Variants in CNNM3 observed in about 807,000 individuals in gnomAD.
CNNM3 encodes metal transporter CNNM3.
CNNM3 carries 47 observed loss-of-function variants against 57.1 expected under a neutral mutation model. The observed-to-expected ratio is 0.82, with a 90% CI of 0.65 to 1.05. CNNM3 has a LOEUF of 1.05. CNNM3 is among the 50% of genes least tolerant of loss of function. The pLI is 0.00. For missense variants in CNNM3, 957 were observed against 973.7 expected, an observed-to-expected ratio of 0.98 and a Z score of 0.23; for synonymous variants, 507 against 478.2, an observed-to-expected ratio of 1.06 and a Z score of -0.79.
At position 96,824,347 on chromosome 2, in the gene CNNM3, G is replaced by A. The variant is rs558705652; in HGVS notation, c.1226-711G>A. Among the ~76,000 whole-genome samples the A allele has an allele frequency of 7.1e-4, 108 of 152,302 alleles. 2 individuals are homozygous for A. In the South Asian group the frequency reaches 0.016, roughly 23 times the overall value. On this transcript the variant is annotated intron_variant, in intron 1 of 7. Coordinates refer to ENST00000305510, the MANE Select transcript of CNNM3 (RefSeq NM_017623.5). ...CCTCCCTGCACAGCTTGGCTCCCGA[G>A]TGGCCAGCTACCACTCTTCTCATCC...
Position 96,827,778 on chromosome 2 carries a change from C to G in CNNM3, c.1567C>G (p.His523Asp). Residue 523 changes from histidine to aspartate, a missense_variant, in exon 4 of 8, where the codon CAC becomes GAC. His to Asp is a moderately conservative substitution (Grantham distance 81). Coordinates refer to ENST00000305510, the MANE Select transcript of CNNM3 (RefSeq NM_017623.5). ...PLRISEKVLL[H>D]LLKHPSVNQE... The stretch of plus-strand genomic sequence containing the variant: ...GCGCATCTCTGAGAAGGTCCTGCTG[C>G]ACCTGTTGAAGCATCCCAGTGTCAA... 6.2e-7 allele frequency: 1 copy of G among 1,614,216 alleles called. No homozygotes were observed. The highest frequency in any genetic ancestry group is 8.5e-7 in the Non-Finnish European group (1 of 1,180,028).
At chr2:96,827,027 C>T in intron 3 of CNNM3, 45 bp downstream of exon 3, 1 of 1,598,634 alleles carries the variant, frequency 6.3e-7, no homozygotes, top group Non-Finnish European at 8.5e-7. Context: ...CCTCACCGTT[C>T]TGTGGGTCAG....
In CNNM3 at chr2:96,817,055, C is replaced by T. The variant is rs997431775; in HGVS notation, c.778C>T (p.Arg260Cys). 11 of 1,368,976 alleles carry T rather than the reference C, an allele frequency of 8.0e-6. No homozygotes were observed. The highest frequency in any genetic ancestry group is 3.1e-5 in the African/African-American group (2 of 65,164). 84.8% of individuals were successfully genotyped at this position (1,368,976 alleles called of 1,614,324 possible). The change falls in exon 1 of 8, where the codon CGC becomes TGC. Residue 260 changes from arginine to cysteine, a missense_variant. Transcript: ENST00000305510. ...ALAPRALGLS[R>C]LAVLLTLPVA... is the part of the protein sequence containing the mutation. The stretch of plus-strand genomic sequence containing the variant: ...GGCGCCGCGAGCGCTCGGCCTCAGC[C>T]GCCTGGCCGTCCTGCTCACTCTGCC...
intron 2 of CNNM3, 21 bp downstream of exon 2, chr2:96,825,222 GT>G: frequency 6.2e-7 from 1 of 1,613,320 alleles, no homozygotes; most frequent in African/African-American, 1.3e-5. Flanking sequence ...ACTCTTGGCA[GT>G]TCTGTCTCCG....
In CNNM3 at chr2:96,817,177, C is replaced by T. The variant is rs373639442; in HGVS notation, c.900C>T (p.Pro300=). The part of the protein sequence containing the change: ...VLELARGGGD[P]YSDLSKGVLR... The stretch of plus-strand genomic sequence containing the variant: ...AGCTGGCGCGCGGCGGCGGCGACCC[C>T]TACAGCGATCTCAGCAAGGGCGTGC... Residue 300 remains proline, a synonymous_variant, in exon 1 of 8, where the codon CCC becomes CCT. Coordinates refer to ENST00000305510, the MANE Select transcript of CNNM3 (RefSeq NM_017623.5). 68 of 1,550,796 alleles carry T rather than the reference C, an allele frequency of 4.4e-5. No individual in the cohort carries two copies. In the African/African-American group the frequency reaches 9.0e-4, roughly 21 times the overall value.
Position 96,816,479 on chromosome 2 carries a change from G to T in CNNM3, c.202G>T (p.Gly68Cys), listed in dbSNP as rs1483785786. Residue 68 changes from glycine (G) to cysteine (C), a missense_variant, in exon 1 of 8, where the codon GGC becomes TGC. By Grantham distance (159) the Gly-to-Cys change is radical. This residue lies in a region of CNNM3 where 466 missense variants were observed against 403.1 expected (regional missense o/e 1.16). Transcript: ENST00000305510. ...CGCCACCTTCCTCCTGCGCCTCTTC[G>T]GCCCGGGCTTCGCCAACAGCTCTTG... The part of the protein sequence containing the change: ...PDATFLLRLF[G>C]PGFANSSWSW... The T allele has an allele frequency of 6.9e-7, 1 of 1,458,290 alleles. No individual in the cohort carries two copies. The highest frequency in any genetic ancestry group is 2.6e-5 in the Admixed American group (1 of 37,822). 90.3% of individuals were successfully genotyped at this position (1,458,290 alleles called of 1,614,324 possible).
In CNNM3 at chr2:96,816,415, G is replaced by A. The variant is rs768191857; in HGVS notation, c.138G>A (p.Ala46=). The A allele has an allele frequency of 7.3e-6, 10 of 1,377,430 alleles. No homozygotes were observed. In the South Asian group the frequency reaches 1.7e-4, roughly 24 times the overall value. 85.3% of individuals were successfully genotyped at this position (1,377,430 alleles called of 1,614,324 possible). The change falls in exon 1 of 8, where the codon GCG becomes GCA. Residue 46 remains alanine, a synonymous_variant. Coordinates refer to ENST00000305510, the MANE Select transcript of CNNM3 (RefSeq NM_017623.5). ...TGGAGGAGGATGGAGCGGCGGGCGCGGGTTGGGTACGCGGAGGGGCGGCGC... is the reference window on the plus strand; with the variant it reads ...TGGAGGAGGATGGAGCGGCGGGCGCAGGTTGGGTACGCGGAGGGGCGGCGC... ...FCLEEDGAAG[A]GWVRGGAARD...
intron 1 of CNNM3, chr2:96,824,831 G>A: frequency 1.8e-6 from 1 of 555,280 alleles, no homozygotes; most frequent in East Asian, 3.1e-5. Context: ...TTGTGCAGAT[G>A]GGCATGAGCC....
chr2:96,822,627 G>A (rs980433300), intron 1 of CNNM3, among the ~76,000 whole-genome samples: 3 of 152,152 alleles, frequency 2.0e-5, no homozygotes, highest in Non-Finnish European at 4.4e-5. Flanking sequence ...CTGCTTTAAA[G>A]GAACCCAGCT....
At position 96,828,168 on chromosome 2, in the gene CNNM3, G is replaced by A. The variant is rs749056484; in HGVS notation, c.1759G>A (p.Val587Met). The A allele has an allele frequency of 6.2e-6, 10 of 1,614,056 alleles. No individual in the cohort carries two copies. Among genetic ancestry groups the A allele is most frequent in the Non-Finnish European group, 8.5e-6 (10 of 1,180,030 alleles). Residue 587 changes from valine to methionine, a missense_variant, in exon 5 of 8, where the codon GTG (valine) becomes ATG (methionine). Val to Met is a conservative substitution (Grantham distance 21, BLOSUM62 1). Around this residue, in one of 2 missense-constraint regions of CNNM3, gnomAD observed 491 missense variants for 570.6 expected, o/e 0.86. Transcript: ENST00000305510. ...GAATGGGGCCTTCACGTACTATGGAGTGTCGGCCCTAACTGTGCCATCCTC... is the reference window on the plus strand; with the variant it reads ...GAATGGGGCCTTCACGTACTATGGAATGTCGGCCCTAACTGTGCCATCCTC... ...FENGAFTYYG[V>M]SALTVPSSVH...
In CNNM3 at chr2:96,832,920, CGGG is replaced by C. The variant is rs1553483917; in HGVS notation, c.*306_*308del. 26 of 1,432,920 alleles carry C rather than the reference CGGG, an allele frequency of 1.8e-5. No individual in the cohort carries two copies. Among genetic ancestry groups the C allele is most frequent in the Non-Finnish European group, 2.4e-5 (26 of 1,081,408 alleles). 88.8% of individuals were successfully genotyped at this position (1,432,920 alleles called of 1,614,324 possible). A position where few individuals can be genotyped will look rare whatever the true frequency, so the allele number is the denominator to read the frequency against. ...AGGGCCCAGCCTTCCCCTTCTCCCC[CGGG>C]GCAGGGACAGTGCGGCATATTCAGA... On this transcript the variant is annotated 3_prime_UTR_variant, in exon 8 of 8. Transcript: ENST00000305510.
intron 1 of CNNM3, among the ~76,000 whole-genome samples, chr2:96,822,185 A>T (rs1337390362): frequency 6.6e-6 from 1 of 151,826 alleles, no homozygotes; most frequent in Non-Finnish European, 1.5e-5. Flanking sequence ...TTATGTTTTT[A>T]GGAGAGATGG....
At position 96,816,835 on chromosome 2, in the gene CNNM3, C is replaced by A. The variant is rs2079327259; in HGVS notation, c.558C>A (p.Pro186=). 1.4e-5 allele frequency: 15 copies of A among 1,041,114 alleles called. No individual in the cohort carries two copies. The highest frequency in any genetic ancestry group is 1.7e-5 in the African/African-American group (1 of 57,716). The allele number at this position is 1,041,114 out of a possible 1,614,324, so 64.5% of individuals were successfully genotyped here. A position where few individuals can be genotyped will look rare whatever the true frequency, so the allele number is the denominator to read the frequency against. Residue 186 remains proline, a synonymous_variant, in exon 1 of 8, where the codon CCC becomes CCA. Coordinates refer to ENST00000305510, the MANE Select transcript of CNNM3 (RefSeq NM_017623.5). ...GTGCGGCGGCGCGGCGTTTGGAGCC[C>A]GCGCGGCGCTGGGCCGGCTGCGCCT... ...AERAAARRLE[P]ARRWAGCALG...
Position 96,825,134 on chromosome 2 carries a change from G to T in CNNM3, c.1302G>T (p.Leu434=), listed in dbSNP as rs1414414137. ...ACCCCTTCTACGAGGTCCTGGGCCT[G>T]GTCACCCTGGAGGACGTGATCGAGG... ...EGDPFYEVLG[L]VTLEDVIEEI... The change falls in exon 2 of 8, where the codon CTG becomes CTT. Residue 434 remains leucine (L), a synonymous_variant. Coordinates refer to ENST00000305510, the MANE Select transcript of CNNM3 (RefSeq NM_017623.5). The T allele has an allele frequency of 1.9e-6, 3 of 1,614,022 alleles. No homozygotes were observed. In the African/African-American group the frequency reaches 4.0e-5, roughly 22 times the overall value.
intron 3 of CNNM3, among the ~76,000 whole-genome samples, chr2:96,827,226 A>C (rs1030012934): frequency 6.6e-6 from 1 of 150,934 alleles, no homozygotes; most frequent in Non-Finnish European, 1.5e-5. Context: ...AGGGGGCCTC[A>C]GCTCTCAGCT....
At chr2:96,828,063 G>A in intron 4 of CNNM3, 36 bp from the exon 5 acceptor site, 2 of 1,596,640 alleles carry the variant, frequency 1.3e-6, no homozygotes, top group Admixed American at 3.3e-5. Context: ...AAGGTAATCT[G>A]GCCGCATCTG....
Position 96,833,492 on chromosome 2 carries a change from G to A in CNNM3, c.*876G>A, listed in dbSNP as rs371189074. ...GCCTCCCTGCAGGTGCTGTGTGGCC[G>A]TGATGTGCAGAGAGCAGTGAGGGAG... On this transcript the variant is annotated 3_prime_UTR_variant, in exon 8 of 8. Transcript: ENST00000305510. 7 of 166,058 alleles carry A rather than the reference G, an allele frequency of 4.2e-5. No homozygotes were observed. The East Asian group carries it at 7.1e-4, about 17-fold the overall frequency. The allele number at this position is 166,058 out of a possible 1,614,324, so 10.3% of individuals were successfully genotyped here.
At chr2:96,825,696 T>C (rs1404755828) in intron 2 of CNNM3, among the ~76,000 whole-genome samples, 1 of 137,296 alleles carries the variant, frequency 7.3e-6, no homozygotes, top group Non-Finnish European at 1.5e-5. Context: ...AGATCGGGAG[T>C]TCGAGACCAG....
Position 96,827,000 on chromosome 2 carries a change from T to C in CNNM3, c.1519+18T>C. On this transcript the variant is annotated intron_variant, in intron 3 of 7. Transcript: ENST00000305510. ...GTCCCGAGGTGAGGCGGGAGGGTGG[T>C]CCATGCCCCCTGCTCTCCTCACCGT... is the stretch of plus-strand genomic sequence containing the variant. 3 of 1,611,854 alleles carry C rather than the reference T, an allele frequency of 1.9e-6. No homozygotes were observed. The highest frequency in any genetic ancestry group is 2.2e-5 in the South Asian group (2 of 90,912).
Sources: allele counts gnomAD v4.1 joint callset (sites outside exome capture counted in the v4.1 genomes callset), GRCh38; gene constraint gnomAD v4.1.1; regional missense constraint gnomAD v4.1.1; transcripts MANE v1.5; gene names NCBI Gene and HGNC (gene_info 2026-07-23, HGNC 2026-07-21).